The following RNF31 variants were observed in gnomAD, a reference collection of about 807,000 sequenced individuals.
RNF31 encodes the protein E3 ubiquitin-protein ligase RNF31.
A neutral mutation model predicts 133.6 loss-of-function variants in RNF31; 38 were observed. The observed-to-expected ratio is 0.28, with a 90% confidence interval of 0.22 to 0.37. RNF31 has a LOEUF of 0.37. Among genes scored for constraint, RNF31 ranks in the 10% least tolerant of loss-of-function variants. The probability of loss-of-function intolerance (pLI) is 1.00; values close to 1 mark genes in which losing one functional copy is unlikely to be tolerated. For synonymous variants in RNF31, 582 were observed against 552.3 expected (o/e 1.05, Z -0.75); for missense variants, 1,118 against 1,394.1 (o/e 0.80, Z 3.15).
At chr14:24,154,885 T>A in intron 11 of RNF31, 2 of 484,254 alleles carry the variant, frequency 4.1e-6, no homozygotes, top group Non-Finnish European at 7.4e-6. Flanking sequence ...TTTTGTCATT[T>A]CAAGCATGTT....
rs992447052 is a variant in RNF31 at position 24,157,988 on chromosome 14, C to G, written c.2818C>G (p.Leu940Val). 1.9e-6 allele frequency: 3 copies of G among 1,614,124 alleles called. No homozygotes were observed. The highest frequency in any genetic ancestry group is 2.2e-5 in the East Asian group (1 of 44,886). ...CTTCTACCTGCGGGACTGGACTGCT[C>G]TCCGGCTTCAGAAGCTGCTACAGGT... Reference protein sequence around the residue: ...CLFYLRDWTALRLQKLLQDNN... With the variant: ...CLFYLRDWTAVRLQKLLQDNN... The change falls in exon 17 of 21, where the codon CTC becomes GTC. Residue 940 changes from leucine to valine, a missense_variant. By Grantham distance (32) the Leu-to-Val change is conservative (BLOSUM62 1). Around this residue, in one of 3 missense-constraint regions of RNF31, gnomAD observed 170 missense variants for 194.5 expected, o/e 0.87. Coordinates refer to ENST00000324103, the MANE Select transcript of RNF31 (RefSeq NM_017999.5).
In RNF31 at chr14:24,150,234, G is replaced by T; in HGVS notation, c.983G>T (p.Gly328Val). ...TGTGTGGCCTGTGATCGGCCCCGAG[G>T]CTGTAAGGGGTTGGGGTTGGGAACT... The part of the protein sequence containing the change: ...VLCVACDRPR[G>V]CKGLGLGTEG... Residue 328 changes from glycine to valine, a missense_variant, in exon 7 of 21, where the codon GGC (glycine) becomes GTC (valine). Physicochemically the swap from Gly to Val is moderately radical, Grantham distance 109. This residue lies in a region of RNF31 where 747 missense variants were observed against 827.9 expected (regional missense o/e 0.90). Coordinates refer to ENST00000324103, the MANE Select transcript of RNF31 (RefSeq NM_017999.5). The T allele has an allele frequency of 6.2e-7, 1 of 1,614,248 alleles. No homozygotes were observed. The highest frequency in any genetic ancestry group is 8.5e-7 in the Non-Finnish European group (1 of 1,180,036).
rs1238542596 is a variant in RNF31 at position 24,150,899 on chromosome 14, G to T, written c.1488+11G>T. On this transcript the variant is annotated intron_variant, in intron 8 of 20. Coordinates refer to ENST00000324103, the MANE Select transcript of RNF31 (RefSeq NM_017999.5). ...GTGAGCATGATCCGGGTAAGGACTG[G>T]GCCTGCGATGAGGTAGGGCTGAGCT... 2 of 1,544,640 alleles carry T rather than the reference G, an allele frequency of 1.3e-6. No homozygotes were observed. The highest frequency in any genetic ancestry group is 2.3e-5 in the East Asian group (1 of 44,332).
At chr14:24,150,537 T>G in intron 7 of RNF31, 61 bp from the exon 8 acceptor site, 2 of 1,578,494 alleles carry the variant, frequency 1.3e-6, no homozygotes, top group Non-Finnish European at 1.7e-6. Context: ...CCCAACTCCC[T>G]GTATTTCTGT....
intron 11 of RNF31, among the ~76,000 whole-genome samples, chr14:24,154,695 G>A (rs2038316979): frequency 6.6e-6 from 1 of 152,186 alleles, no homozygotes; most frequent in Non-Finnish European, 1.5e-5. Context: ...ATGCCGCTGT[G>A]TGTATGTGTG....
rs1181971814 is a variant in RNF31 at position 24,159,927 on chromosome 14, A to G, written c.2963A>G (p.Lys988Arg). 2 of 1,614,076 alleles carry G rather than the reference A, an allele frequency of 1.2e-6. No individual in the cohort carries two copies. ...GGGCTCAGGGACGAAGCTTGTGGCA[A>G]GGAAACTCCAGCTGGCTATGCCGGC... ...PNGLRDEACG[K>R]ETPAGYAGLC... Residue 988 changes from lysine to arginine, a missense_variant, in exon 19 of 21, where the codon AAG becomes AGG. Coordinates refer to ENST00000324103, the MANE Select transcript of RNF31 (RefSeq NM_017999.5).
chr14:24,149,651 C>T (rs1594375116), intron 6 of RNF31, 68 bp downstream of exon 6: 5 of 1,468,708 alleles, frequency 3.4e-6, no homozygotes, highest in East Asian at 4.6e-5. Context: ...TTATGGACTA[C>T]CTGCCAGTTT....
chr14:24,148,462 G>A (rs745544666), intron 3 of RNF31, 49 bp downstream of exon 3: 4 of 1,612,830 alleles, frequency 2.5e-6, no homozygotes, highest in Non-Finnish European at 3.4e-6. Flanking sequence ...GGGCTGGGGA[G>A]CCCAGCCTAA....
At chr14:24,148,467 G>T (rs1214325517) in intron 3 of RNF31, 54 bp downstream of exon 3, 1 of 1,612,810 alleles carries the variant, frequency 6.2e-7, no homozygotes, top group South Asian at 1.1e-5. Context: ...GGGGAGCCCA[G>T]CCTAACTCAA....
Position 24,148,107 on chromosome 14 carries a change from G to A in RNF31, c.324G>A (p.Thr108=), listed in dbSNP as rs368510871. Residue 108 remains threonine (T), a synonymous_variant, in exon 2 of 21, where the codon ACG becomes ACA. Transcript: ENST00000324103. Reference sequence around the variant, plus strand: ...TTAATAACCCTGTCTTTCGCAGCACGGTGGATGCTGTGCAGGTGAATCCCC... The same window carrying A: ...TTAATAACCCTGTCTTTCGCAGCACAGTGGATGCTGTGCAGGTGAATCCCC... ...VKFNNPVFRS[T]VDAVQGGRDV... 6 of 1,614,186 alleles carry A rather than the reference G, an allele frequency of 3.7e-6. No homozygotes were observed. In the South Asian group the frequency reaches 5.5e-5, roughly 15 times the overall value.
At chr14:24,150,534 C>G (rs2038247980) in intron 7 of RNF31, 64 bp from the exon 8 acceptor site, 2 of 1,577,696 alleles carry the variant, frequency 1.3e-6, no homozygotes, top group East Asian at 4.5e-5. Flanking sequence ...CCTCCCAACT[C>G]CCTGTATTTC....
upstream of RNF31, chr14:24,147,037 T>C (rs1566611043): frequency 8.9e-6 from 2 of 223,852 alleles, no homozygotes; most frequent in Middle Eastern, 1.8e-3. Flanking sequence ...GCGCCTGGGG[T>C]GGAGAAGGAC....
chr14:24,155,037 T>A lies in RNF31; in HGVS notation c.2131-120T>A. ...TGGCCCCTGCTGGCACTTGAGGTTG[T>A]TAACCCTGCCCAGTTGTTAATTAGA... On this transcript the variant is annotated intron_variant, in intron 11 of 20. Transcript: ENST00000324103. This position sits in a 1 kb window ranked among gnomAD's most constrained non-coding sequence, Gnocchi z 4.9. 1 of 965,020 alleles carries A rather than the reference T, an allele frequency of 1.0e-6. No homozygotes were observed. Among genetic ancestry groups the A allele is most frequent in the Non-Finnish European group, 1.5e-6 (1 of 648,534 alleles). The allele number at this position is 965,020 out of a possible 1,614,324, so 59.8% of individuals were successfully genotyped here. A position where few individuals can be genotyped will look rare whatever the true frequency, so the allele number is the denominator to read the frequency against.
rs940780588 is a variant in RNF31 at position 24,155,252 on chromosome 14, G to A, written c.2226G>A (p.Met742Ile). ...TGAAGGAGAAGCACATCACAGACAT[G>A]GTGTGCCCTGCCTGTGGCCGCCCCG... ...IALKEKHITD[M>I]VCPACGRPDL... The change falls in exon 12 of 21, where the codon ATG becomes ATA. Residue 742 changes from methionine (M) to isoleucine (I), a missense_variant. Transcript: ENST00000324103. The surrounding 1 kb of genome is among the most constrained non-coding windows in gnomAD (Gnocchi z 4.9). 6.2e-7 allele frequency: 1 copy of A among 1,613,940 alleles called. No individual in the cohort carries two copies. The highest frequency in any genetic ancestry group is 1.3e-5 in the African/African-American group (1 of 74,838).
Position 24,155,341 on chromosome 14 carries a change from C to T in RNF31, c.2304+11C>T. 1 of 1,614,162 alleles carries T rather than the reference C, an allele frequency of 6.2e-7. No homozygotes were observed. Among genetic ancestry groups the T allele is most frequent in the Non-Finnish European group, 8.5e-7 (1 of 1,180,010 alleles). On this transcript the variant is annotated intron_variant, in intron 12 of 20. Transcript: ENST00000324103. The surrounding 1 kb of genome is among the most constrained non-coding windows in gnomAD (Gnocchi z 4.9). ...ACCCTTGACATCCAGGTACTGCAGC[C>T]CCTCTAGGACTCAGGTACCCTGAGC...
intron 5 of RNF31, 37 bp downstream of exon 5, chr14:24,148,913 C>T (rs776811449): frequency 6.4e-7 from 1 of 1,554,068 alleles, no homozygotes; most frequent in Admixed American, 1.7e-5. Flanking sequence ...AGGTAGGAAG[C>T]TATATTGATG....
intron 18 of RNF31, among the ~76,000 whole-genome samples, 154 bp downstream of exon 18, chr14:24,158,353 T>C (rs1178703601): frequency 6.6e-6 from 1 of 152,240 alleles, no homozygotes; most frequent in African/African-American, 2.4e-5. Flanking sequence ...CGCTGTAAAA[T>C]GGAGGTAGTA....
At position 24,147,776 on chromosome 14, in the gene RNF31, G is replaced by A. The variant is rs1391096823; in HGVS notation, c.78G>A (p.Gly26=). 2 of 1,581,138 alleles carry A rather than the reference G, an allele frequency of 1.3e-6. No homozygotes were observed. The highest frequency in any genetic ancestry group is 1.7e-6 in the Non-Finnish European group (2 of 1,166,550). The stretch of plus-strand genomic sequence containing the variant: ...CGAGCGCCCTGAGGAGGGATTCCGG[G>A]CAGGCGTTTTCCCTGGAGCAGCTCC... ...ELASALRRDS[G]QAFSLEQLRP... Residue 26 remains glycine (G), a synonymous_variant, in exon 1 of 21, where the codon GGG becomes GGA. Coordinates refer to ENST00000324103, the MANE Select transcript of RNF31 (RefSeq NM_017999.5).
At position 24,157,750 on chromosome 14, in the gene RNF31, A is replaced by T. The variant is rs79247510; in HGVS notation, c.2727+112A>T. ...GGAAGAGAAGAGGTCAACGGGATGT[A>T]AAGCACAACTCTCTGTCCCCTTACC... On this transcript the variant is annotated intron_variant, in intron 16 of 20. Coordinates refer to ENST00000324103, the MANE Select transcript of RNF31 (RefSeq NM_017999.5). The T allele has an allele frequency of 2.3e-3, 2,563 of 1,113,934 alleles. 49 individuals carry two copies. In the African/African-American group the frequency reaches 0.035, roughly 15 times the overall value. 69.0% of individuals were successfully genotyped at this position (1,113,934 alleles called of 1,614,324 possible).
Sources: allele counts gnomAD v4.1 joint callset (sites outside exome capture counted in the v4.1 genomes callset), GRCh38; gene constraint gnomAD v4.1.1; regional missense constraint gnomAD v4.1.1; non-coding constraint Gnocchi (gnomAD v3.1); transcripts MANE v1.5; gene names NCBI Gene and HGNC (gene_info 2026-07-23, HGNC 2026-07-21).